Variants in ZBTB8A observed in about 807,000 individuals in gnomAD.
ZBTB8A encodes zinc finger and BTB domain containing 8A, also known as zinc finger and BTB domain-containing protein 8A.
A neutral mutation model predicts 37.8 loss-of-function variants in ZBTB8A; 19 were observed. That is an observed-to-expected ratio of 0.50 (90% CI 0.35 to 0.74). The LOEUF is 0.74. ZBTB8A is among the 30% of genes least tolerant of loss of function. The pLI is 0.01. For missense variants in ZBTB8A, 394 were observed against 537.8 expected, an observed-to-expected ratio of 0.73 and a Z score of 2.65; for synonymous variants, 181 against 185.2, an observed-to-expected ratio of 0.98 and a Z score of 0.19.
In ZBTB8A at chr1:32,600,674, TC is replaced by T; in HGVS notation, c.*256del. Reference sequence around the variant, plus strand: ...TGGATGAACAATTATCCTCTTACTTTCATTACAATCCTCTTACTTTATTCCA... The same window carrying T: ...TGGATGAACAATTATCCTCTTACTTTATTACAATCCTCTTACTTTATTCCA... On this transcript the variant is annotated 3_prime_UTR_variant, in exon 5 of 5. Transcript: ENST00000373510. The T allele has an allele frequency of 2.6e-6, 1 of 382,320 alleles. No individual in the cohort carries two copies. Among genetic ancestry groups the T allele is most frequent in the Non-Finnish European group, 4.7e-6 (1 of 211,836 alleles). 23.7% of individuals were successfully genotyped at this position (382,320 alleles called of 1,614,324 possible). A position where few individuals can be genotyped will look rare whatever the true frequency, so the allele number is the denominator to read the frequency against.
At chr1:32,581,271 T>C (rs1218884274) in intron 2 of ZBTB8A, among the ~76,000 whole-genome samples, 1 of 44,768 alleles carries the variant, frequency 2.2e-5, no homozygotes, top group Non-Finnish European at 4.5e-5. Flanking sequence ...ATTAATATAA[T>C]AATACAATAT....
Position 32,603,093 on chromosome 1 carries a change from T to C in ZBTB8A, c.*2674T>C, listed in dbSNP as rs1397199134. ...TTGCTTCAAGACTGGATGATGTGCA[T>C]TGAGTTCTCTGTTCTCCCAACATGG... On this transcript the variant is annotated 3_prime_UTR_variant, in exon 5 of 5. Transcript: ENST00000373510. 1.3e-5 allele frequency: 2 copies of C among 152,166 alleles called. No individual in the cohort carries two copies. Among genetic ancestry groups the C allele is most frequent in the African/African-American group, 4.8e-5 (2 of 41,448 alleles). 9.4% of individuals were successfully genotyped at this position (152,166 alleles called of 1,614,324 possible). A position where few individuals can be genotyped will look rare whatever the true frequency, so the allele number is the denominator to read the frequency against.
rs540104549 is a variant in ZBTB8A at position 32,570,352 on chromosome 1, G to A, written c.-2+16812G>A. ...TAAGTCTTGTAATTACGTAGGTTAA[G>A]TTCCCTTTTCCTCTTCTTTTTCAAA... On this transcript the variant is annotated intron_variant, in intron 2 of 4. Coordinates refer to ENST00000373510, the MANE Select transcript of ZBTB8A (RefSeq NM_001040441.3). Among the ~76,000 whole-genome samples the A allele has an allele frequency of 5.9e-5, 9 of 152,248 alleles. No individual in the cohort carries two copies. The South Asian group carries it at 1.4e-3, about 25-fold the overall frequency.
chr1:32,568,448 G>A (rs187554017), intron 2 of ZBTB8A, among the ~76,000 whole-genome samples: 4 of 151,396 alleles, frequency 2.6e-5, no homozygotes, highest in South Asian at 2.1e-4. Flanking sequence ...ATGCAGTGGC[G>A]TGATCTCTGC....
At position 32,593,467 on chromosome 1, in the gene ZBTB8A, C is replaced by T; in HGVS notation, c.536C>T (p.Ser179Phe). The change falls in exon 3 of 5, where the codon TCT (serine) becomes TTT (phenylalanine). Residue 179 changes from serine to phenylalanine, a missense_variant. By Grantham distance (155) the Ser-to-Phe change is radical. Transcript: ENST00000373510. ...EQGTGIISGK[S>F]WNKYNYHPAS... ...GGAACAGGTATAATAAGTGGAAAATCTTGGAATAAGTATAATTATCATCCA... is the reference window on the plus strand; with the variant it reads ...GGAACAGGTATAATAAGTGGAAAATTTTGGAATAAGTATAATTATCATCCA... The T allele has an allele frequency of 6.2e-7, 1 of 1,614,006 alleles. No homozygotes were observed. Among genetic ancestry groups the T allele is most frequent in the Non-Finnish European group, 8.5e-7 (1 of 1,180,032 alleles).
chr1:32,581,388 G>T (rs1239484086), intron 2 of ZBTB8A, among the ~76,000 whole-genome samples: 1 of 142,720 alleles, frequency 7.0e-6, no homozygotes, highest in African/African-American at 2.6e-5. Context: ...TTTCCCTCTT[G>T]TTGCCCAGGC....
Position 32,576,267 on chromosome 1 carries a change from AAGT to A in ZBTB8A, c.-1-16662_-1-16660del, listed in dbSNP as rs1421202828. Among the ~76,000 whole-genome samples the A allele has an allele frequency of 6.6e-5, 10 of 152,178 alleles. No individual in the cohort carries two copies. The East Asian group carries it at 1.9e-3, about 29-fold the overall frequency. On this transcript the variant is annotated intron_variant, in intron 2 of 4. Transcript: ENST00000373510. ...AAAAGTATTTACTGTGTGGCCTTTT[AAGT>A]AAAAGTTTGTCAACTTCTCATGTAT...
At chr1:32,570,073 G>T (rs540883607) in intron 2 of ZBTB8A, among the ~76,000 whole-genome samples, 1 of 152,164 alleles carries the variant, frequency 6.6e-6, no homozygotes. Context: ...TTTGTATGTT[G>T]TGTAAAGTAA....
chr1:32,571,125 C>G (rs1462539956), intron 2 of ZBTB8A, among the ~76,000 whole-genome samples: 1 of 152,186 alleles, frequency 6.6e-6, no homozygotes, highest in African/African-American at 2.4e-5. Context: ...ATCCACCCAC[C>G]CCAGCCTCCC....
chr1:32,603,333 T>C lies in ZBTB8A; in HGVS notation c.*2914T>C, dbSNP rs1441992463. 6.6e-6 allele frequency: 1 copy of C among 152,242 alleles called. No homozygotes were observed. Among genetic ancestry groups the C allele is most frequent in the East Asian group, 1.9e-4 (1 of 5,184 alleles). The allele number at this position is 152,242 out of a possible 1,614,324, so 9.4% of individuals were successfully genotyped here. The stretch of plus-strand genomic sequence containing the variant: ...TTAGTAGAGACAGGGTTTCGCTATG[T>C]TGGCCAGGCTGGTCTCGAACTCCTG... On this transcript the variant is annotated 3_prime_UTR_variant, in exon 5 of 5. Transcript: ENST00000373510.
At chr1:32,595,660 T>G (rs1307549651) in intron 4 of ZBTB8A, among the ~76,000 whole-genome samples, 1 of 150,798 alleles carries the variant, frequency 6.6e-6, no homozygotes, top group Non-Finnish European at 1.5e-5. Context: ...GCTTTTGTTT[T>G]TTTTTTTGAG....
chr1:32,592,784 A>T, intron 2 of ZBTB8A, 147 bp from the exon 3 acceptor site: 1 of 651,362 alleles, frequency 1.5e-6, no homozygotes, highest in South Asian at 2.2e-5. Flanking sequence ...CTGGGATTAC[A>T]GGAGTGAGCC....
intron 1 of ZBTB8A, among the ~76,000 whole-genome samples, chr1:32,541,125 A>C (rs533763592): frequency 8.5e-5 from 13 of 152,368 alleles, no homozygotes; most frequent in African/African-American, 2.9e-4. Context: ...ATGATATGTT[A>C]ATCATATTTA....
At chr1:32,553,036 A>C (rs1257921304) in intron 1 of ZBTB8A, among the ~76,000 whole-genome samples, 1 of 151,196 alleles carries the variant, frequency 6.6e-6, no homozygotes, top group Non-Finnish European at 1.5e-5. Flanking sequence ...ACATGTTAAA[A>C]ATTGTATCTG....
intron 2 of ZBTB8A, among the ~76,000 whole-genome samples, chr1:32,569,901 G>A (rs930307333): frequency 6.6e-6 from 1 of 152,068 alleles, no homozygotes; most frequent in African/African-American, 2.4e-5. Context: ...GGGATTATAG[G>A]TGTGAGCCAC....
chr1:32,560,499 C>T (rs1250709854), intron 2 of ZBTB8A, among the ~76,000 whole-genome samples: 1 of 151,656 alleles, frequency 6.6e-6, no homozygotes, highest in Non-Finnish European at 1.5e-5. Context: ...TTATAAATTA[C>T]CCAGTTTCAG....
intron 1 of ZBTB8A, among the ~76,000 whole-genome samples, chr1:32,544,819 A>T (rs1459728285): frequency 6.6e-6 from 1 of 152,240 alleles, no homozygotes; most frequent in Non-Finnish European, 1.5e-5. Context: ...GCGGCGCGTG[A>T]CCATATCAGT....
At chr1:32,569,421 T>C (rs1243656718) in intron 2 of ZBTB8A, among the ~76,000 whole-genome samples, 5 of 132,368 alleles carry the variant, frequency 3.8e-5, no homozygotes, top group Non-Finnish European at 6.2e-5. Flanking sequence ...TGAGACAGAG[T>C]CTTGCTCTGT....
chr1:32,570,168 G>A (rs1644313907), intron 2 of ZBTB8A, among the ~76,000 whole-genome samples: 1 of 152,114 alleles, frequency 6.6e-6, no homozygotes, highest in Non-Finnish European at 1.5e-5. Context: ...TCCCCATTCA[G>A]TGACTGTGAT....
Sources: allele counts gnomAD v4.1 joint callset (sites outside exome capture counted in the v4.1 genomes callset), GRCh38; gene constraint gnomAD v4.1.1; transcripts MANE v1.5; gene names NCBI Gene and HGNC (gene_info 2026-07-23, HGNC 2026-07-21).